CSGALNACT1: variants seen among roughly 807,000 people sequenced by gnomAD.
CSGALNACT1 encodes chondroitin sulfate N-acetylgalactosaminyltransferase 1, also known as beta4GalNAcT-1.
A neutral mutation model predicts 51.0 loss-of-function variants in CSGALNACT1; 52 were observed. That is an observed-to-expected ratio of 1.02 (90% CI 0.82 to 1.29). The LOEUF is 1.29. Ranked by LOEUF, CSGALNACT1 falls within the 50% of genes most tolerant of loss-of-function variation. CSGALNACT1 has a pLI of 0.00. For missense variants in CSGALNACT1, 935 were observed against 679.2 expected (o/e 1.38, Z -4.19); for synonymous variants, 341 against 254.4 (o/e 1.34, Z -3.24).
At chr8:19,409,510 G>T (rs996361823) in intron 8 of CSGALNACT1, among the ~76,000 whole-genome samples, 44 of 151,862 alleles carry the variant, frequency 2.9e-4, no homozygotes, top group Admixed American at 2.3e-3. Context: ...TAGAGAGAGA[G>T]AGAGAGAGAG....
At chr8:19,462,560 G>A (rs1006670292) in intron 4 of CSGALNACT1, among the ~76,000 whole-genome samples, 1 of 152,134 alleles carries the variant, frequency 6.6e-6, no homozygotes, top group African/African-American at 2.4e-5. Flanking sequence ...GGAGGTGCCT[G>A]CATCATCAGC....
chr8:19,666,261 A>C (rs373651063), intron 1 of CSGALNACT1, among the ~76,000 whole-genome samples: 1 of 152,102 alleles, frequency 6.6e-6, no homozygotes, highest in Non-Finnish European at 1.5e-5. Flanking sequence ...GGAAATTAAA[A>C]CCATCTATTG....
intron 3 of CSGALNACT1, among the ~76,000 whole-genome samples, chr8:19,553,191 T>C (rs1029120595): frequency 1.3e-5 from 2 of 152,070 alleles, no homozygotes; most frequent in African/African-American, 4.8e-5. Context: ...AGATAATACC[T>C]TCATGACCTC....
At chr8:19,756,371 A>G (rs967198108) in intron 1 of CSGALNACT1, among the ~76,000 whole-genome samples, 2 of 152,186 alleles carry the variant, frequency 1.3e-5, no homozygotes, top group Non-Finnish European at 2.9e-5. Flanking sequence ...TTTTATTAGT[A>G]TTTCACTTAT....
intron 3 of CSGALNACT1, among the ~76,000 whole-genome samples, chr8:19,556,591 T>G (rs1359152947): frequency 1.3e-5 from 2 of 152,146 alleles, no homozygotes; most frequent in Admixed American, 1.3e-4. Context: ...CTCTAGTCAA[T>G]TTAATGAGTT....
chr8:19,716,747 G>A (rs570150888), intron 1 of CSGALNACT1, among the ~76,000 whole-genome samples: 83 of 151,002 alleles, frequency 5.5e-4, no homozygotes, highest in African/African-American at 1.9e-3. Flanking sequence ...GGCCAAGATC[G>A]TACCACCGCA....
chr8:19,718,141 G>A (rs1432876793), intron 1 of CSGALNACT1, among the ~76,000 whole-genome samples: 1 of 152,170 alleles, frequency 6.6e-6, no homozygotes, highest in South Asian at 2.1e-4. Context: ...CACCCAGGCT[G>A]GAAGGCAGTG....
At chr8:19,518,306 G>A (rs1466484521) in intron 3 of CSGALNACT1, among the ~76,000 whole-genome samples, 3 of 152,150 alleles carry the variant, frequency 2.0e-5, no homozygotes, top group African/African-American at 7.2e-5. Context: ...AGTTTGCATG[G>A]ATGATTAACA....
chr8:19,757,032 G>A lies in CSGALNACT1; in HGVS notation c.-297+818C>T, dbSNP rs1454754691. The stretch of plus-strand genomic sequence containing the variant: ...GGGCAGCGGCGGAGGGAGGCCAGGC[G>A]CGGCACCGTCCTCCGCAGCTGCACG... On this transcript the variant is annotated intron_variant, in intron 1 of 1. Transcript: ENST00000517494. This position sits in a 1 kb window ranked among gnomAD's most constrained non-coding sequence, Gnocchi z 4.0. Among the ~76,000 whole-genome samples the A allele has an allele frequency of 6.6e-6, 1 of 150,726 alleles. No individual in the cohort carries two copies. The highest frequency in any genetic ancestry group is 2.4e-5 in the African/African-American group (1 of 41,264).
At chr8:19,418,948 G>C (rs1242971577) in intron 7 of CSGALNACT1, among the ~76,000 whole-genome samples, 198 bp from the exon 7 acceptor site, 2 of 152,134 alleles carry the variant, frequency 1.3e-5, no homozygotes, top group African/African-American at 4.8e-5. Flanking sequence ...CTGGGTTCAA[G>C]TGATTCTACT....
intron 1 of CSGALNACT1, among the ~76,000 whole-genome samples, chr8:19,715,145 T>C (rs1262979374): frequency 4.6e-5 from 7 of 152,124 alleles, no homozygotes; most frequent in African/African-American, 1.7e-4. Context: ...ATGAGGAAGA[T>C]GCAAAAGTGG....
At chr8:19,513,068 T>C (rs1402561339) in intron 3 of CSGALNACT1, among the ~76,000 whole-genome samples, 5 of 152,104 alleles carry the variant, frequency 3.3e-5, no homozygotes, top group Admixed American at 6.6e-5. Flanking sequence ...TCCTTCTCCA[T>C]CATCTTCTGC....
intron 3 of CSGALNACT1, among the ~76,000 whole-genome samples, chr8:19,578,915 CT>C (rs758478656): frequency 6.6e-5 from 10 of 152,284 alleles, no homozygotes; most frequent in Admixed American, 1.3e-4. Context: ...CATACTTTCT[CT>C]TGGAGTTCTT....
chr8:19,418,218 C>A (rs1450308173), intron 8 of CSGALNACT1, among the ~76,000 whole-genome samples: 1 of 152,142 alleles, frequency 6.6e-6, no homozygotes, highest in East Asian at 1.9e-4. Flanking sequence ...TTCAAATTCA[C>A]AAAGACCTTA....
chr8:19,691,772 C>A (rs1052302726), intron 1 of CSGALNACT1, among the ~76,000 whole-genome samples: 1 of 152,154 alleles, frequency 6.6e-6, no homozygotes, highest in Non-Finnish European at 1.5e-5. Context: ...ACTGTAAGAG[C>A]CACACACTGA....
At chr8:19,544,153 T>A (rs768857738) in intron 3 of CSGALNACT1, among the ~76,000 whole-genome samples, 10 of 152,120 alleles carry the variant, frequency 6.6e-5, no homozygotes, top group Non-Finnish European at 1.2e-4. Context: ...CACAAGGACA[T>A]GGCTGTCAAA....
At chr8:19,627,061 C>G (rs1466354972) in intron 1 of CSGALNACT1, among the ~76,000 whole-genome samples, 1 of 152,164 alleles carries the variant, frequency 6.6e-6, no homozygotes, top group Admixed American at 6.5e-5. Context: ...GGTATTTATC[C>G]TCAAGAAATG....
intron 4 of CSGALNACT1, among the ~76,000 whole-genome samples, chr8:19,501,870 T>C (rs1248008693): frequency 6.6e-6 from 1 of 152,198 alleles, no homozygotes; most frequent in Non-Finnish European, 1.5e-5. Flanking sequence ...CAGGATTTGA[T>C]TCCATCTCTA....
chr8:19,728,465 C>T (rs2063520740), intron 1 of CSGALNACT1, among the ~76,000 whole-genome samples: 1 of 152,156 alleles, frequency 6.6e-6, no homozygotes, highest in African/African-American at 2.4e-5. Context: ...AGAAATGCTT[C>T]AACTCACTGG....
Sources: gnomAD v4.1 joint callset for allele counts (sites outside exome capture counted in the v4.1 genomes callset) on GRCh38, gnomAD v4.1.1 for gene constraint, Gnocchi (gnomAD v3.1) non-coding constraint, MANE v1.5 for transcripts, NCBI Gene and HGNC (gene_info 2026-07-23, HGNC 2026-07-21) for gene names.